ZFYVE9: variants seen among roughly 807,000 people sequenced by gnomAD.
ZFYVE9 encodes the protein zinc finger FYVE-type containing 9.
ZFYVE9 carries 43 observed loss-of-function variants against 126.7 expected under a neutral mutation model. The ratio of observed to expected loss-of-function variants is 0.34; its 90% CI spans 0.27 to 0.44. The LOEUF (loss-of-function observed/expected upper bound fraction) is 0.44, where lower values mean the gene tolerates loss of function less well. ZFYVE9 is among the 20% of genes least tolerant of loss of function. The pLI is 1.00. For missense variants in ZFYVE9, 1,476 were observed against 1,697.0 expected (o/e 0.87, Z 2.29); for synonymous variants, 521 against 597.4 (o/e 0.87, Z 1.87).
At chr1:52,258,933 AT>A (rs1490809635) in intron 4 of ZFYVE9, among the ~76,000 whole-genome samples, 1 of 151,816 alleles carries the variant, frequency 6.6e-6, no homozygotes, top group African/African-American at 2.4e-5. Flanking sequence ...TTATTCAAAA[AT>A]CATTATTTGA....
chr1:52,252,030 T>C, intron 4 of ZFYVE9: 1 of 162,594 alleles, frequency 6.2e-6, no homozygotes. Context: ...ATACATAAAG[T>C]AATATGAACT....
At chr1:52,144,030 C>A (rs934326940) in intron 1 of ZFYVE9, among the ~76,000 whole-genome samples, 1 of 152,114 alleles carries the variant, frequency 6.6e-6, no homozygotes. Context: ...TGGGGAGGAC[C>A]CCTTGATCCT....
chr1:52,298,439 C>T (rs1384890279), intron 12 of ZFYVE9, among the ~76,000 whole-genome samples: 6 of 152,092 alleles, frequency 3.9e-5, no homozygotes, highest in Admixed American at 1.3e-4. Flanking sequence ...GCACCTTTGT[C>T]GAAAATTAGT....
At position 52,250,877 on chromosome 1, in the gene ZFYVE9, A is replaced by T. The variant is rs988230718; in HGVS notation, c.2178+11282A>T. Among the ~76,000 whole-genome samples the T allele has an allele frequency of 2.7e-5, 4 of 150,862 alleles. No individual in the cohort carries two copies. In the South Asian group the frequency reaches 6.3e-4, roughly 24 times the overall value. ...AGGCGTGCACTACCACACCTGGCTA[A>T]TTTTTTTTTATTTTTAGTAGACATG... On this transcript the variant is annotated intron_variant, in intron 4 of 18. Coordinates refer to ENST00000287727, the MANE Select transcript of ZFYVE9 (RefSeq NM_004799.4).
At chr1:52,211,634 G>GT (rs1280269112) in intron 1 of ZFYVE9, among the ~76,000 whole-genome samples, 1 of 152,118 alleles carries the variant, frequency 6.6e-6, no homozygotes, top group Non-Finnish European at 1.5e-5. Context: ...GAGCCCAGGA[G>GT]TTTGAGTCTA....
intron 13 of ZFYVE9, among the ~76,000 whole-genome samples, chr1:52,311,607 ATC>A (rs2147850408): frequency 6.6e-6 from 1 of 152,100 alleles, no homozygotes; most frequent in African/African-American, 2.4e-5. Context: ...TAGTGGGTTA[ATC>A]TCTCTTCTGG....
At chr1:52,246,153 C>G (rs571639671) in intron 4 of ZFYVE9, among the ~76,000 whole-genome samples, 1 of 152,114 alleles carries the variant, frequency 6.6e-6, no homozygotes. Flanking sequence ...AGTCTCAAAA[C>G]TCCTGGGCTC....
At chr1:52,244,201 T>C (rs1444617735) in intron 4 of ZFYVE9, among the ~76,000 whole-genome samples, 1 of 152,168 alleles carries the variant, frequency 6.6e-6, no homozygotes, top group African/African-American at 2.4e-5. Context: ...TCAAGAACTT[T>C]TGCCATGAAA....
intron 9 of ZFYVE9, among the ~76,000 whole-genome samples, chr1:52,279,504 C>T (rs189538722): frequency 5.9e-5 from 9 of 152,194 alleles, no homozygotes; most frequent in Admixed American, 2.0e-4. Context: ...CACTCTGTCA[C>T]CCAGGCTGGA....
rs143270034 is a variant in ZFYVE9 at position 52,344,908 on chromosome 1, C to A, written c.4080C>A (p.Thr1360=). 1,071 of 1,614,126 alleles carry A rather than the reference C, an allele frequency of 6.6e-4. 23 individuals carry two copies. The South Asian group carries it at 0.01, about 16-fold the overall frequency. Residue 1360 remains threonine (T), a synonymous_variant, in exon 18 of 19, where the codon ACC becomes ACA. Coordinates refer to ENST00000287727, the MANE Select transcript of ZFYVE9 (RefSeq NM_004799.4). ...AACTTCTGAAGGAAGATGGAATGAC[C>A]AAACTGGGACTACGTGTGACACTTG... ...HLKLLKEDGM[T]KLGLRVTLDS...
At chr1:52,143,914 C>G (rs1453898958) in intron 1 of ZFYVE9, among the ~76,000 whole-genome samples, 1 of 152,106 alleles carries the variant, frequency 6.6e-6, no homozygotes, top group Non-Finnish European at 1.5e-5. Context: ...TTAAGTATTT[C>G]TTTTAAAAAT....
At chr1:52,163,059 A>G (rs1644477915) in intron 1 of ZFYVE9, 1 of 213,148 alleles carries the variant, frequency 4.7e-6, no homozygotes, top group Non-Finnish European at 9.2e-6. Context: ...ACTTCTCTTC[A>G]TTCTTGAGTT....
intron 12 of ZFYVE9, among the ~76,000 whole-genome samples, chr1:52,303,091 C>T (rs1646050923): frequency 6.6e-6 from 1 of 152,162 alleles, no homozygotes; most frequent in Admixed American, 6.5e-5. Context: ...GCTCGGGCAA[C>T]AGAGTGAGAC....
chr1:52,268,344 T>C, intron 6 of ZFYVE9, 119 bp from the exon 7 acceptor site: 4 of 1,004,372 alleles, frequency 4.0e-6, no homozygotes, highest in Non-Finnish European at 5.8e-6. Flanking sequence ...TGTTTCTGAT[T>C]GTAAGTTGCC....
At chr1:52,198,358 C>T (rs1192087191) in intron 1 of ZFYVE9, among the ~76,000 whole-genome samples, 2 of 151,932 alleles carry the variant, frequency 1.3e-5, no homozygotes, top group Non-Finnish European at 2.9e-5. Context: ...ATCCACCTGC[C>T]TCGACCTCCC....
chr1:52,281,569 G>T (rs1199878408), intron 9 of ZFYVE9, 92 bp from the exon 10 acceptor site: 3 of 1,394,902 alleles, frequency 2.2e-6, no homozygotes, highest in Non-Finnish European at 3.0e-6. Flanking sequence ...TTTAATCTTT[G>T]CTGTATTGTA....
chr1:52,295,121 T>C (rs546547191), intron 11 of ZFYVE9, among the ~76,000 whole-genome samples: 1 of 152,078 alleles, frequency 6.6e-6, no homozygotes, highest in Admixed American at 6.6e-5. Flanking sequence ...GGCAGGAGAA[T>C]CGCTTGAACC....
Position 52,336,368 on chromosome 1 carries a change from G to GT in ZFYVE9, c.3671-1385dup, listed in dbSNP as rs34890800. 7.3e-4 allele frequency among the ~76,000 whole-genome samples: 84 copies of GT among 114,600 alleles called. 1 individual carries two copies. Among genetic ancestry groups the GT allele is most frequent in the African/African-American group, 1.2e-3 (33 of 27,840 alleles). The allele number at this position is 114,600 out of a possible 152,430, so 75.2% of individuals were successfully genotyped here. A position where few individuals can be genotyped will look rare whatever the true frequency, so the allele number is the denominator to read the frequency against. On this transcript the variant is annotated intron_variant, in intron 15 of 18. Coordinates refer to ENST00000287727, the MANE Select transcript of ZFYVE9 (RefSeq NM_004799.4). Reference sequence around the variant, plus strand: ...TTATGAAATCTAAGAGGTTTTTTTTGTTTTTTTTTTTTTTTTTTTAAGATG... The same window carrying GT: ...TTATGAAATCTAAGAGGTTTTTTTTGTTTTTTTTTTTTTTTTTTTTAAGATG...
At chr1:52,187,596 T>TA (rs1644776401) in intron 1 of ZFYVE9, among the ~76,000 whole-genome samples, 1 of 152,146 alleles carries the variant, frequency 6.6e-6, no homozygotes, top group Admixed American at 6.6e-5. Flanking sequence ...AAAAGGAGCT[T>TA]AAACAAATTT....
Sources: allele counts gnomAD v4.1 joint callset (sites outside exome capture counted in the v4.1 genomes callset), GRCh38; gene constraint gnomAD v4.1.1; transcripts MANE v1.5; gene names NCBI Gene and HGNC (gene_info 2026-07-23, HGNC 2026-07-21).